The following MAPKAPK2 variants were observed in gnomAD, a reference collection of about 807,000 sequenced individuals.
MAPKAPK2 encodes the protein MAP kinase-activated protein kinase 2.
Under a neutral mutation model 48.8 loss-of-function variants are expected in MAPKAPK2, and 9 were observed. The observed-to-expected ratio is 0.18, with a 90% CI of 0.11 to 0.32. The LOEUF is 0.32. MAPKAPK2 is among the 10% of genes least tolerant of loss of function. The probability of loss-of-function intolerance (pLI) is 1.00; values close to 1 mark genes in which losing one functional copy is unlikely to be tolerated. For missense variants in MAPKAPK2, 331 were observed against 498.3 expected (o/e 0.66, Z 3.20); for synonymous variants, 202 against 190.6 (o/e 1.06, Z -0.49).
intron 1 of MAPKAPK2, among the ~76,000 whole-genome samples, chr1:206,697,293 C>T (rs1331139264): frequency 6.6e-6 from 1 of 152,202 alleles, no homozygotes; most frequent in Non-Finnish European, 1.5e-5. Flanking sequence ...GCTGGTCCTG[C>T]TCCTGTGTGT....
chr1:206,687,628 A>G (rs1057298696), intron 1 of MAPKAPK2, among the ~76,000 whole-genome samples: 1 of 152,262 alleles, frequency 6.6e-6, no homozygotes, highest in African/African-American at 2.4e-5. Flanking sequence ...ACATAATTAC[A>G]GCTGTGGGGG....
intron 1 of MAPKAPK2, among the ~76,000 whole-genome samples, chr1:206,698,001 A>T (rs782072703): frequency 5.3e-5 from 8 of 152,240 alleles, no homozygotes; most frequent in Non-Finnish European, 1.2e-4. Context: ...CTGTTGTTGC[A>T]TCCGCACTGC....
In MAPKAPK2 at chr1:206,685,168, C is replaced by A; in HGVS notation, c.-62C>A. On this transcript the variant is annotated 5_prime_UTR_variant, in exon 1 of 10. Transcript: ENST00000367103. ...GTCGGGGGGCGGCGGGGAGGGGGCC[C>A]GGAGCCGGAGGAGGGGGCGGCCGCG... is the stretch of plus-strand genomic sequence containing the variant. 1 of 259,498 alleles carries A rather than the reference C, an allele frequency of 3.9e-6. No homozygotes were observed. The highest frequency in any genetic ancestry group is 1.3e-4 in the South Asian group (1 of 7,574). 16.1% of individuals were successfully genotyped at this position (259,498 alleles called of 1,614,324 possible). A position where few individuals can be genotyped will look rare whatever the true frequency, so the allele number is the denominator to read the frequency against.
Position 206,731,389 on chromosome 1 carries a change from T to G in MAPKAPK2, c.892+127T>G. ...CGTGGTGTAACTGTGGGTTAGCACC[T>G]ATGCCCACGCCTGCGGGGTGCGTCC... On this transcript the variant is annotated intron_variant, in intron 7 of 9. Transcript: ENST00000367103. The surrounding 1 kb of genome is among the most constrained non-coding windows in gnomAD (Gnocchi z 5.9). 2.0e-6 allele frequency: 3 copies of G among 1,504,374 alleles called. No individual in the cohort carries two copies. The South Asian group carries it at 3.8e-5, about 19-fold the overall frequency. The allele number at this position is 1,504,374 out of a possible 1,614,324, so 93.2% of individuals were successfully genotyped here.
Position 206,720,389 on chromosome 1 carries a change from G to C in MAPKAPK2, c.280-8321G>C, listed in dbSNP as rs1673477121. Among the ~76,000 whole-genome samples the C allele has an allele frequency of 2.0e-5, 3 of 152,136 alleles. 1 individual carries two copies. The highest frequency in any genetic ancestry group is 1.3e-4 in the Admixed American group (2 of 15,276). ...TTTGTTTTGTTTTGTTTTTGAGACA[G>C]AGTCTCACTCTGTTGCCCAGGCTGG... On this transcript the variant is annotated intron_variant, in intron 1 of 9. Coordinates refer to ENST00000367103, the MANE Select transcript of MAPKAPK2 (RefSeq NM_032960.4).
chr1:206,727,685 A>T (rs1553431965), intron 1 of MAPKAPK2, among the ~76,000 whole-genome samples: 2 of 151,638 alleles, frequency 1.3e-5, no homozygotes. Context: ...CAGTGGCGTG[A>T]TCTCGGCTCG....
At chr1:206,726,158 G>C (rs1392933609) in intron 1 of MAPKAPK2, among the ~76,000 whole-genome samples, 1 of 152,208 alleles carries the variant, frequency 6.6e-6, no homozygotes, top group East Asian at 1.9e-4. Context: ...GGCCAAGGTG[G>C]GGTATCACTT....
At chr1:206,695,285 G>A (rs1553426828) in intron 1 of MAPKAPK2, among the ~76,000 whole-genome samples, 1 of 152,162 alleles carries the variant, frequency 6.6e-6, no homozygotes, top group African/African-American at 2.4e-5. Flanking sequence ...CCTCAGCTAT[G>A]GAAGGAAGGT....
At position 206,732,817 on chromosome 1, in the gene MAPKAPK2, T is replaced by A; in HGVS notation, c.*99T>A. The A allele has an allele frequency of 7.3e-7, 1 of 1,365,972 alleles. No homozygotes were observed. The highest frequency in any genetic ancestry group is 1.0e-6 in the Non-Finnish European group (1 of 991,760). 84.6% of individuals were successfully genotyped at this position (1,365,972 alleles called of 1,614,324 possible). On this transcript the variant is annotated 3_prime_UTR_variant, in exon 10 of 10. Transcript: ENST00000367103. The surrounding 1 kb of genome is among the most constrained non-coding windows in gnomAD (Gnocchi z 4.4). ...CAGAACTGTCCACATCTGCCTCCTC[T>A]CCTCCTCAGCTGCATGGAGCCTGGA...
rs113571052 is a variant in MAPKAPK2, at chr1:206,729,307, A to G, written c.485-89A>G. ...GGCTGTGGGGAGCCTCAGGCTGCAC[A>G]GAGGTGGGACCCGGTGCACTGGGTT... On this transcript the variant is annotated intron_variant, in intron 3 of 9. Transcript: ENST00000367103. The G allele has an allele frequency of 7.7e-5, 92 of 1,200,168 alleles. 3 individuals are homozygous for G. The African/African-American group carries it at 9.0e-4, about 12-fold the overall frequency. 74.3% of individuals were successfully genotyped at this position (1,200,168 alleles called of 1,614,324 possible). A position where few individuals can be genotyped will look rare whatever the true frequency, so the allele number is the denominator to read the frequency against.
chr1:206,718,532 CAAAAA>C (rs60964142), intron 1 of MAPKAPK2, among the ~76,000 whole-genome samples: 36,123 of 114,020 alleles, frequency 0.32, 4,974 homozygotes, highest in East Asian at 0.56. Context: ...GACTCCATCT[CAAAAA>C]AAAAAAAAAA....
chr1:206,722,136 G>A (rs1448972136), intron 1 of MAPKAPK2, among the ~76,000 whole-genome samples: 6 of 151,318 alleles, frequency 4.0e-5, no homozygotes, highest in African/African-American at 1.5e-4. Flanking sequence ...CGAGGCGGGC[G>A]GATCACGAGG....
At chr1:206,709,360 G>A (rs1673067117) in intron 1 of MAPKAPK2, among the ~76,000 whole-genome samples, 1 of 152,144 alleles carries the variant, frequency 6.6e-6, no homozygotes, top group Non-Finnish European at 1.5e-5. Flanking sequence ...CTCTTTTACA[G>A]ATGTGTTGCC....
At chr1:206,730,786 T>A (rs1457730594) in intron 6 of MAPKAPK2, 23 bp downstream of exon 6, 3 of 552,110 alleles carry the variant, frequency 5.4e-6, no homozygotes, top group Non-Finnish European at 1.0e-5. Flanking sequence ...GGGAGGGGGC[T>A]GGGTGGGGCA....
chr1:206,702,224 A>T (rs1672819368), intron 1 of MAPKAPK2, among the ~76,000 whole-genome samples: 2 of 152,214 alleles, frequency 1.3e-5, no homozygotes, highest in Admixed American at 1.3e-4. Context: ...CTTTGAGGTC[A>T]TGAAATCCTT....
At chr1:206,713,004 A>ACACACT (rs1343757318) in intron 1 of MAPKAPK2, among the ~76,000 whole-genome samples, 8 of 151,238 alleles carry the variant, frequency 5.3e-5, no homozygotes, top group African/African-American at 1.7e-4. Flanking sequence ...ACACACACAC[A>ACACACT]CTAATAGGTT....
chr1:206,717,444 T>C (rs991733347), intron 1 of MAPKAPK2, among the ~76,000 whole-genome samples: 17 of 152,256 alleles, frequency 1.1e-4, no homozygotes, highest in African/African-American at 4.1e-4. Context: ...TTCAGTTTCC[T>C]ACCCAAGACT....
chr1:206,725,821 G>C (rs1198210119), intron 1 of MAPKAPK2, among the ~76,000 whole-genome samples: 1 of 152,048 alleles, frequency 6.6e-6, no homozygotes, highest in African/African-American at 2.4e-5. Flanking sequence ...TGAACCCTTT[G>C]AATTTAGCAC....
intron 1 of MAPKAPK2, among the ~76,000 whole-genome samples, chr1:206,693,836 A>G (rs1672529692): frequency 6.6e-6 from 1 of 152,186 alleles, no homozygotes; most frequent in African/African-American, 2.4e-5. Flanking sequence ...TCATCTTGTC[A>G]GCGTCCAAGA....
Sources: allele counts gnomAD v4.1 joint callset (sites outside exome capture counted in the v4.1 genomes callset), GRCh38; gene constraint gnomAD v4.1.1; non-coding constraint Gnocchi (gnomAD v3.1); transcripts MANE v1.5; gene names NCBI Gene and HGNC (gene_info 2026-07-23, HGNC 2026-07-21).